Variants in ROBO2 observed in about 807,000 individuals in gnomAD.
ROBO2 encodes the protein roundabout guidance receptor 2.
In ROBO2, 53 loss-of-function variants were observed where a neutral mutation model predicts 160.8. The observed-to-expected ratio is 0.33, with a 90% confidence interval of 0.26 to 0.41. The LOEUF is 0.41. Among genes scored for constraint, ROBO2 ranks in the 10% least tolerant of loss-of-function variants. ROBO2 has a pLI of 1.00. For synonymous variants in ROBO2, 664 were observed against 611.7 expected (o/e 1.09, Z -1.26); for missense variants, 1,577 against 1,722.4 (o/e 0.92, Z 1.49).
At chr3:77,169,143 A>G (rs2079387333) in intron 2 of ROBO2, among the ~76,000 whole-genome samples, 1 of 152,248 alleles carries the variant, frequency 6.6e-6, no homozygotes, top group African/African-American at 2.4e-5. Flanking sequence ...ACATGTGAAT[A>G]AATGAAATAT....
chr3:76,595,765 G>T (rs926240277), intron 2 of ROBO2, among the ~76,000 whole-genome samples: 2 of 152,096 alleles, frequency 1.3e-5, no homozygotes, highest in Middle Eastern at 3.4e-3. Context: ...GATTTTGTAG[G>T]TCTGGGACAT....
intron 2 of ROBO2, among the ~76,000 whole-genome samples, chr3:76,227,300 A>G (rs1421540846): frequency 1.3e-5 from 2 of 152,202 alleles, no homozygotes; most frequent in African/African-American, 4.8e-5. Flanking sequence ...ATGTAAGGGC[A>G]CAGTATGGGA....
chr3:76,135,045 A>G (rs564454461), intron 2 of ROBO2, among the ~76,000 whole-genome samples: 8 of 152,170 alleles, frequency 5.3e-5, no homozygotes, highest in African/African-American at 1.4e-4. Flanking sequence ...TGGCTCTGCC[A>G]TCTCTGAATT....
intron 2 of ROBO2, among the ~76,000 whole-genome samples, chr3:76,324,180 C>T (rs1434450199): frequency 3.3e-5 from 5 of 152,018 alleles, no homozygotes; most frequent in East Asian, 3.9e-4. Flanking sequence ...TAGGATGAAA[C>T]GGGGTTACTC....
intron 2 of ROBO2, among the ~76,000 whole-genome samples, chr3:76,317,450 G>A (rs1051006769): frequency 1.3e-5 from 2 of 151,906 alleles, no homozygotes; most frequent in Non-Finnish European, 2.9e-5. Context: ...GTAGGAAGTA[G>A]TGCAGTAGAA....
At chr3:77,330,127 T>C (rs1044110897) in intron 2 of ROBO2, among the ~76,000 whole-genome samples, 16 of 152,362 alleles carry the variant, frequency 1.1e-4, no homozygotes, top group African/African-American at 3.6e-4. Context: ...TGATTTGTCC[T>C]GATTTGGTGT....
chr3:76,705,235 A>G (rs2093135573), intron 2 of ROBO2, among the ~76,000 whole-genome samples: 1 of 152,106 alleles, frequency 6.6e-6, no homozygotes, highest in Admixed American at 6.6e-5. Flanking sequence ...CATATTGAAA[A>G]ACAGATATCC....
chr3:77,140,303 A>G (rs1212288730), intron 2 of ROBO2, among the ~76,000 whole-genome samples: 2 of 152,160 alleles, frequency 1.3e-5, no homozygotes, highest in Non-Finnish European at 2.9e-5. Flanking sequence ...TTAAAATAAT[A>G]ACTAGATTCT....
chr3:76,718,012 T>C (rs560983790), intron 2 of ROBO2, among the ~76,000 whole-genome samples: 1 of 152,354 alleles, frequency 6.6e-6, no homozygotes, highest in African/African-American at 2.4e-5. Flanking sequence ...ATAAGATGCT[T>C]GTAATTCTGG....
chr3:76,319,552 A>G (rs1225664080), intron 2 of ROBO2, among the ~76,000 whole-genome samples: 2 of 151,832 alleles, frequency 1.3e-5, no homozygotes, highest in Admixed American at 6.6e-5. Context: ...ACTTGGTTCT[A>G]TTTTTGGGGA....
chr3:76,124,888 A>C (rs2070909148), intron 2 of ROBO2, among the ~76,000 whole-genome samples: 1 of 152,114 alleles, frequency 6.6e-6, no homozygotes. Context: ...GTACATATGC[A>C]GATTTGTTAC....
chr3:76,423,677 A>G (rs2076089569), intron 2 of ROBO2, among the ~76,000 whole-genome samples: 1 of 152,152 alleles, frequency 6.6e-6, no homozygotes, highest in Non-Finnish European at 1.5e-5. Flanking sequence ...CTTGCAAGGT[A>G]TAATCTTAGG....
chr3:76,869,886 G>A (rs2071842111), intron 2 of ROBO2, among the ~76,000 whole-genome samples: 1 of 151,914 alleles, frequency 6.6e-6, no homozygotes. Flanking sequence ...AGTTTAGAGG[G>A]GCCCTTTAAC....
chr3:77,283,921 G>T (rs2060412233), intron 2 of ROBO2, among the ~76,000 whole-genome samples: 1 of 152,118 alleles, frequency 6.6e-6, no homozygotes, highest in Non-Finnish European at 1.5e-5. Context: ...TCTTGGATCA[G>T]ATTATGCTTT....
At chr3:76,898,043 G>A (rs1431125581) in intron 2 of ROBO2, among the ~76,000 whole-genome samples, 5 of 151,954 alleles carry the variant, frequency 3.3e-5, no homozygotes, top group Non-Finnish European at 5.9e-5. Flanking sequence ...GTCACTGAAG[G>A]GTCTGAGTGG....
intron 2 of ROBO2, among the ~76,000 whole-genome samples, chr3:77,218,724 C>T (rs2085316596): frequency 1.3e-5 from 2 of 152,124 alleles, no homozygotes. Flanking sequence ...ATGTCACCCT[C>T]TTCTTTTCCA....
At chr3:77,602,977 C>CTAA (rs2094462647) in intron 20 of ROBO2, 1 of 456,700 alleles carries the variant, frequency 2.2e-6, no homozygotes, top group African/African-American at 2.0e-5. Context: ...GAGGGATTGT[C>CTAA]TAATAGAATG....
intron 2 of ROBO2, among the ~76,000 whole-genome samples, chr3:77,410,744 T>TCC (rs1560759245): frequency 3.4e-5 from 1 of 28,990 alleles, no homozygotes; most frequent in Non-Finnish European, 7.1e-5. Flanking sequence ...CCTCCTCCTT[T>TCC]TCCTCCTCCT....
At chr3:76,645,499 C>T (rs149782246) in intron 2 of ROBO2, among the ~76,000 whole-genome samples, 56 of 152,230 alleles carry the variant, frequency 3.7e-4, no homozygotes, top group African/African-American at 1.3e-3. Flanking sequence ...AAACACAGTC[C>T]TTCCCTTTCA....
Sources: gnomAD v4.1 joint callset for allele counts (sites outside exome capture counted in the v4.1 genomes callset) on GRCh38, gnomAD v4.1.1 for gene constraint, MANE v1.5 for transcripts, NCBI Gene and HGNC (gene_info 2026-07-23, HGNC 2026-07-21) for gene names.